Variants in DNAH9 observed in about 807,000 individuals in gnomAD.
DNAH9 encodes the protein DNAH9 variant protein.
A neutral mutation model predicts 471.6 loss-of-function variants in DNAH9; 345 were observed. That is an observed-to-expected ratio of 0.73 (90% CI 0.67 to 0.80). The LOEUF (loss-of-function observed/expected upper bound fraction) is 0.80, where lower values mean the gene tolerates loss of function less well. Ranked by LOEUF, DNAH9 falls within the 30% of genes least tolerant of loss-of-function variation. The pLI, the probability that DNAH9 is intolerant of heterozygous loss-of-function variation, is 0.00. For missense variants in DNAH9, 5,407 were observed against 5,609.2 expected (o/e 0.96, Z 1.15); for synonymous variants, 2,093 against 2,123.6 (o/e 0.99, Z 0.40).
chr17:11,848,997 C>T (rs946449778), intron 49 of DNAH9, among the ~76,000 whole-genome samples: 1 of 151,996 alleles, frequency 6.6e-6, no homozygotes, highest in Non-Finnish European at 1.5e-5. Context: ...CCACCATGCC[C>T]GGCTAACTTT....
intron 15 of DNAH9, among the ~76,000 whole-genome samples, chr17:11,665,808 A>C (rs1372298984): frequency 2.7e-4 from 41 of 152,242 alleles, no homozygotes; most frequent in Non-Finnish European, 2.9e-5. Flanking sequence ...TTAAGAACTC[A>C]AGGATTGAAA....
chr17:11,915,502 G>A (rs1000180640), intron 61 of DNAH9, among the ~76,000 whole-genome samples: 3 of 151,690 alleles, frequency 2.0e-5, no homozygotes, highest in Non-Finnish European at 4.4e-5. Flanking sequence ...TCAACTTGGC[G>A]ACACAGAGAC....
intron 19 of DNAH9, among the ~76,000 whole-genome samples, chr17:11,683,838 T>A (rs967060939): frequency 6.6e-6 from 1 of 152,204 alleles, no homozygotes; most frequent in Admixed American, 6.5e-5. Flanking sequence ...ACCAAACATT[T>A]CTGCAATTTT....
chr17:11,962,383 GA>G lies in DNAH9; in HGVS notation c.13233+128del, dbSNP rs1976286032. 3 of 1,400,850 alleles carry G rather than the reference GA, an allele frequency of 2.1e-6. No homozygotes were observed. Among genetic ancestry groups the G allele is most frequent in the Non-Finnish European group, 2.8e-6 (3 of 1,068,960 alleles). 86.8% of individuals were successfully genotyped at this position (1,400,850 alleles called of 1,614,324 possible). ...TTTCTCTAGCTAACCTTCTTTCCTT[GA>G]GGCCATCAGGCCATTTTTATTTAGC... On this transcript the variant is annotated intron_variant, in intron 68 of 68. Transcript: ENST00000262442. This position sits in a 1 kb window ranked among gnomAD's most constrained non-coding sequence, Gnocchi z 4.1.
chr17:11,754,597 T>C (rs1404750273), intron 33 of DNAH9, among the ~76,000 whole-genome samples: 1 of 152,252 alleles, frequency 6.6e-6, no homozygotes, highest in East Asian at 1.9e-4. Flanking sequence ...TGAGTTTTTT[T>C]CATATGCTTT....
At chr17:11,903,132 A>C (rs1391349476) in intron 60 of DNAH9, among the ~76,000 whole-genome samples, 1 of 152,136 alleles carries the variant, frequency 6.6e-6, no homozygotes, top group African/African-American at 2.4e-5. Context: ...CAAGGTCAGG[A>C]GTTCAAGACC....
At chr17:11,902,688 A>T in intron 59 of DNAH9, 31 bp from the exon 60 acceptor site, 1 of 1,589,512 alleles carries the variant, frequency 6.3e-7, no homozygotes, top group East Asian at 2.2e-5. Context: ...TTCTGGAGAA[A>T]CTGCATTTCA....
chr17:11,925,456 C>T (rs1310740856), intron 62 of DNAH9: 11 of 282,542 alleles, frequency 3.9e-5, no homozygotes, highest in South Asian at 2.4e-4. Flanking sequence ...TTTCCAGAAA[C>T]ATCAGGAAGT....
rs1972895493 is a variant in DNAH9, at chr17:11,886,878, C to T, written c.11025C>T (p.Tyr3675=). 6.2e-7 allele frequency: 1 copy of T among 1,613,000 alleles called. No homozygotes were observed. Among genetic ancestry groups the T allele is most frequent in the Non-Finnish European group, 8.5e-7 (1 of 1,179,544 alleles). Residue 3675 remains tyrosine (Y), a synonymous_variant, in exon 57 of 69, where the codon TAC becomes TAT. Coordinates refer to ENST00000262442, the MANE Select transcript of DNAH9 (RefSeq NM_001372.4). ...EVKINEAREH[Y]RPAAARASLL... is the part of the protein sequence containing the mutation. Reference sequence around the variant, plus strand: ...AAATCAACGAGGCCCGAGAGCACTACCGGCCAGCAGCTGCCAGGGCCTCAC... The same window carrying T: ...AAATCAACGAGGCCCGAGAGCACTATCGGCCAGCAGCTGCCAGGGCCTCAC...
intron 50 of DNAH9, 106 bp from the exon 51 acceptor site, chr17:11,869,028 C>T: frequency 7.3e-7 from 1 of 1,365,124 alleles, no homozygotes; most frequent in Non-Finnish European, 1.0e-6. Flanking sequence ...AATGCCCCCG[C>T]AGAGTGCTTC....
intron 59 of DNAH9, among the ~76,000 whole-genome samples, chr17:11,898,841 G>A (rs994572013): frequency 6.6e-5 from 10 of 152,310 alleles, no homozygotes; most frequent in Admixed American, 2.6e-4. Flanking sequence ...CAAAAGCTAC[G>A]TACAATTTAG....
intron 13 of DNAH9, 61 bp from the exon 14 acceptor site, chr17:11,652,700 T>C: frequency 6.5e-7 from 1 of 1,527,282 alleles, no homozygotes; most frequent in Non-Finnish European, 9.0e-7. Context: ...TCATAGCAAC[T>C]AGCCCTTTAG....
chr17:11,737,690 C>T (rs568578992), intron 28 of DNAH9, among the ~76,000 whole-genome samples: 1 of 152,194 alleles, frequency 6.6e-6, no homozygotes, highest in Non-Finnish European at 1.5e-5. Context: ...GAACATATAT[C>T]TGACTGGGCC....
chr17:11,749,266 A>G (rs998329383), intron 32 of DNAH9, among the ~76,000 whole-genome samples: 2 of 151,342 alleles, frequency 1.3e-5, no homozygotes, highest in Non-Finnish European at 2.9e-5. Context: ...TTGTATTTTT[A>G]GTAGAGACAG....
intron 45 of DNAH9, among the ~76,000 whole-genome samples, chr17:11,811,872 C>G (rs532410656): frequency 1.7e-4 from 25 of 149,962 alleles, no homozygotes; most frequent in African/African-American, 6.1e-4. Flanking sequence ...GGCCTGTAAT[C>G]CCAGCTACTT....
intron 10 of DNAH9, among the ~76,000 whole-genome samples, chr17:11,644,091 G>T (rs1468119480): frequency 6.6e-6 from 1 of 152,120 alleles, no homozygotes; most frequent in Non-Finnish European, 1.5e-5. Context: ...AGCACAGTAG[G>T]TTTGTTTACA....
In DNAH9 at chr17:11,930,061, A is replaced by C. The variant is rs1190181661; in HGVS notation, c.12073A>C (p.Asn4025His). 6.2e-7 allele frequency: 1 copy of C among 1,614,024 alleles called. No homozygotes were observed. Among genetic ancestry groups the C allele is most frequent in the African/African-American group, 1.3e-5 (1 of 74,946 alleles). ...TGAGCCCCCCACGGGCATGCATGCC[A>C]ACCTGCACAAGGCCCTGGACAACTT... The part of the protein sequence containing the change: ...TNEPPTGMHA[N>H]LHKALDNFTQ... Residue 4025 changes from asparagine (N) to histidine (H), a missense_variant, in exon 63 of 69, where the codon AAC becomes CAC. Asn to His is a moderately conservative substitution (Grantham distance 68). Around this residue, in one of 3 missense-constraint regions of DNAH9, gnomAD observed 4,636 missense variants for 4,900.3 expected, o/e 0.95. Coordinates refer to ENST00000262442, the MANE Select transcript of DNAH9 (RefSeq NM_001372.4).
At chr17:11,672,343 G>A (rs964154550) in intron 17 of DNAH9, among the ~76,000 whole-genome samples, 1 of 152,106 alleles carries the variant, frequency 6.6e-6, no homozygotes, top group African/African-American at 2.4e-5. Context: ...TCTCATCACC[G>A]TTTTGCTCCA....
In DNAH9 at chr17:11,924,124, G is replaced by A. The variant is rs528471107; in HGVS notation, c.11877+183G>A. 3.3e-5 allele frequency among the ~76,000 whole-genome samples: 5 copies of A among 151,968 alleles called. No homozygotes were observed. The East Asian group carries it at 5.8e-4, about 18-fold the overall frequency. Reference sequence around the variant, plus strand: ...TCATATGTTCTCTTCCCCAGACCACGTCCAGGAACAATCCTTCTCCCCTCA... The same window carrying A: ...TCATATGTTCTCTTCCCCAGACCACATCCAGGAACAATCCTTCTCCCCTCA... On this transcript the variant is annotated intron_variant, in intron 62 of 68. Coordinates refer to ENST00000262442, the MANE Select transcript of DNAH9 (RefSeq NM_001372.4).
Sources: allele counts gnomAD v4.1 joint callset (sites outside exome capture counted in the v4.1 genomes callset), GRCh38; gene constraint gnomAD v4.1.1; regional missense constraint gnomAD v4.1.1; non-coding constraint Gnocchi (gnomAD v3.1); transcripts MANE v1.5; gene names NCBI Gene and HGNC (gene_info 2026-07-23, HGNC 2026-07-21).